Variants in FAM193A observed in about 807,000 individuals in gnomAD.
The protein encoded by FAM193A is protein FAM193A.
In FAM193A, 22 loss-of-function variants were observed where a neutral mutation model predicts 126.5. The observed-to-expected ratio is 0.17, with a 90% CI of 0.12 to 0.25. The LOEUF is 0.25. FAM193A is among the 10% of genes least tolerant of loss of function. The pLI, the probability that FAM193A is intolerant of heterozygous loss-of-function variation, is 1.00. For synonymous variants in FAM193A, 761 were observed against 646.8 expected, an observed-to-expected ratio of 1.18 and a Z score of -2.68; for missense variants, 1,675 against 1,672.8, an observed-to-expected ratio of 1.00 and a Z score of -0.02.
At chr4:2,552,884 AT>A (rs1352732244) in intron 1 of FAM193A, among the ~76,000 whole-genome samples, 1 of 119,034 alleles carries the variant, frequency 8.4e-6, no homozygotes, top group Admixed American at 1.0e-4. Context: ...GTCTTGTTCC[AT>A]CGTCCAGGCT....
chr4:2,590,820 G>C (rs1325940212), intron 1 of FAM193A, among the ~76,000 whole-genome samples: 1 of 151,996 alleles, frequency 6.6e-6, no homozygotes, highest in Non-Finnish European at 1.5e-5. Context: ...GAGGTCAGGA[G>C]ATCGAGACCA....
intron 1 of FAM193A, among the ~76,000 whole-genome samples, chr4:2,539,729 C>G (rs191080737): frequency 6.2e-4 from 95 of 152,166 alleles, no homozygotes; most frequent in Non-Finnish European, 1.1e-3. Context: ...TGACCATGAC[C>G]CACTCTTATG....
chr4:2,560,348 C>G (rs191385740), intron 1 of FAM193A, among the ~76,000 whole-genome samples: 1 of 152,150 alleles, frequency 6.6e-6, no homozygotes, highest in African/African-American at 2.4e-5. Flanking sequence ...CTTCACCGTC[C>G]GAGGCCAGGC....
chr4:2,646,853 CCGCACCCCG>C (rs758704800), intron 7 of FAM193A, 21 bp downstream of exon 7: 134 of 1,600,756 alleles, frequency 8.4e-5, no homozygotes, highest in Non-Finnish European at 1.0e-4. Flanking sequence ...CCCGGGACCA[CCGCACCCCG>C]CGCACATCCT....
intron 1 of FAM193A, among the ~76,000 whole-genome samples, chr4:2,582,893 GT>G (rs1560459711): frequency 6.6e-6 from 1 of 152,152 alleles, no homozygotes; most frequent in East Asian, 1.9e-4. Flanking sequence ...GTTGGCTGTT[GT>G]TTGAAGCTTT....
intron 6 of FAM193A, among the ~76,000 whole-genome samples, chr4:2,641,523 C>CGG (rs1744626033): frequency 6.6e-6 from 1 of 151,964 alleles, no homozygotes; most frequent in Non-Finnish European, 1.5e-5. Flanking sequence ...GGCGTAGTGG[C>CGG]GCATGCCTGT....
At position 2,721,361 on chromosome 4, in the gene FAM193A, GCCTGTAGT is replaced by G. The variant is rs1164994577; in HGVS notation, c.4454+5260_4454+5267del. Among the ~76,000 whole-genome samples the G allele has an allele frequency of 2.0e-5, 3 of 147,626 alleles. No individual in the cohort carries two copies. The East Asian group carries it at 6.0e-4, about 29-fold the overall frequency. On this transcript the variant is annotated intron_variant, in intron 20 of 20. Transcript: ENST00000637812. ...AAAAAAGCCAGGCATGGTGGTACAT[GCCTGTAGT>G]CCCAGCTACTCAGGAAATTGACACA...
intron 16 of FAM193A, among the ~76,000 whole-genome samples, chr4:2,694,699 G>T (rs764388241): frequency 6.6e-6 from 1 of 152,188 alleles, no homozygotes; most frequent in East Asian, 1.9e-4. Context: ...GAGAGACTAC[G>T]TGTTCCTGTT....
At chr4:2,679,728 G>C (rs1264309835) in intron 13 of FAM193A, among the ~76,000 whole-genome samples, 2 of 152,010 alleles carry the variant, frequency 1.3e-5, no homozygotes, top group Non-Finnish European at 2.9e-5. Context: ...ATATGCTCAG[G>C]ACATGAGTTA....
At chr4:2,607,754 T>C (rs1440085538) in intron 2 of FAM193A, 4 of 464,464 alleles carry the variant, frequency 8.6e-6, no homozygotes, top group Non-Finnish European at 1.1e-5. Context: ...TGCTGGACCA[T>C]CTGAATGGGG....
chr4:2,710,890 C>G (rs1358038901), intron 19 of FAM193A, among the ~76,000 whole-genome samples: 4 of 121,038 alleles, frequency 3.3e-5, no homozygotes, highest in Admixed American at 9.1e-5. Context: ...CTCGCTCTTT[C>G]GCCCAGGCTG....
intron 19 of FAM193A, among the ~76,000 whole-genome samples, chr4:2,710,376 T>C (rs1251731280): frequency 6.6e-6 from 1 of 152,084 alleles, no homozygotes; most frequent in Non-Finnish European, 1.5e-5. Flanking sequence ...GGTTTCACCA[T>C]GTTAGCCAGG....
chr4:2,548,353 G>A (rs201546024), intron 1 of FAM193A, among the ~76,000 whole-genome samples: 1 of 152,078 alleles, frequency 6.6e-6, no homozygotes, highest in East Asian at 1.9e-4. Context: ...TTTCAGGGGT[G>A]AGCCACCATG....
chr4:2,571,645 A>T (rs1739298141), intron 1 of FAM193A, among the ~76,000 whole-genome samples: 1 of 151,624 alleles, frequency 6.6e-6, no homozygotes, highest in Admixed American at 6.6e-5. Context: ...GGTTCAAGCG[A>T]TTCTCTCACC....
intron 10 of FAM193A, 74 bp downstream of exon 10, chr4:2,660,128 C>A: frequency 6.8e-7 from 1 of 1,460,816 alleles, no homozygotes; most frequent in Non-Finnish European, 9.4e-7. Context: ...ACAGTAATGT[C>A]CACAGAAGTA....
intron 1 of FAM193A, among the ~76,000 whole-genome samples, chr4:2,585,864 G>A (rs1225826402): frequency 2.0e-5 from 3 of 152,178 alleles, no homozygotes; most frequent in Middle Eastern, 3.2e-3. Context: ...GGGAGGTGGA[G>A]GTTGCAGTGA....
intron 5 of FAM193A, among the ~76,000 whole-genome samples, chr4:2,637,698 C>T (rs1250023124): frequency 6.6e-6 from 1 of 152,194 alleles, no homozygotes; most frequent in African/African-American, 2.4e-5. Context: ...CCTGCAGAGC[C>T]CACCCCTGCA....
At chr4:2,604,783 T>C (rs1343050890) in intron 2 of FAM193A, among the ~76,000 whole-genome samples, 3 of 149,800 alleles carry the variant, frequency 2.0e-5, no homozygotes, top group African/African-American at 2.5e-5. Flanking sequence ...TTTTCTTTTT[T>C]CTTTTTCCTT....
intron 10 of FAM193A, among the ~76,000 whole-genome samples, chr4:2,660,743 G>A (rs905226097): frequency 6.6e-6 from 1 of 152,200 alleles, no homozygotes; most frequent in Admixed American, 6.5e-5. Context: ...CAGCGTTTCT[G>A]GGATTTCTCT....
Sources: allele counts gnomAD v4.1 joint callset (sites outside exome capture counted in the v4.1 genomes callset), GRCh38; gene constraint gnomAD v4.1.1; transcripts MANE v1.5; gene names NCBI Gene and HGNC (gene_info 2026-07-23, HGNC 2026-07-21).